Variants in SNRNP200 observed in about 807,000 individuals in gnomAD.
The protein encoded by SNRNP200 is U5 small nuclear ribonucleoprotein 200 kDa helicase.
In SNRNP200, 66 loss-of-function variants were observed where a neutral mutation model predicts 255.2. The observed-to-expected ratio is 0.26, with a 90% CI of 0.21 to 0.32. The LOEUF is 0.32. SNRNP200 is among the 10% of genes least tolerant of loss of function. SNRNP200 has a pLI of 1.00. For missense variants in SNRNP200, 1,585 were observed against 2,749.8 expected (o/e 0.58, Z 9.47); for synonymous variants, 939 against 1,027.8 (o/e 0.91, Z 1.65).
chr2:96,279,389 A>C lies in SNRNP200; in HGVS notation c.5133+62T>G, dbSNP rs951094395. 20 of 1,055,434 alleles carry C rather than the reference A, an allele frequency of 1.9e-5. No homozygotes were observed. The African/African-American group carries it at 3.0e-4, about 16-fold the overall frequency. 65.4% of individuals were successfully genotyped at this position (1,055,434 alleles called of 1,614,324 possible). On this transcript the variant is annotated intron_variant, in intron 36 of 44. Coordinates refer to ENST00000323853, the MANE Select transcript of SNRNP200 (RefSeq NM_014014.5). ...AGTTACTGAAGACATCTATCAAAAG[A>C]AAGATTAAAGAATCCATTCTGAGGC...
chr2:96,284,019 G>T lies in SNRNP200; in HGVS notation c.4393-15C>A. The stretch of plus-strand genomic sequence containing the variant: ...TCTAAGACAGGCTGGAAAGAGGGAG[G>T]GAGGGAGGGTCACTGCAGGCCAAGG... On this transcript the variant is annotated splice_polypyrimidine_tract_variant and intron_variant, in intron 31 of 44. Coordinates refer to ENST00000323853, the MANE Select transcript of SNRNP200 (RefSeq NM_014014.5). 4 of 1,559,738 alleles carry T rather than the reference G, an allele frequency of 2.6e-6. No individual in the cohort carries two copies. Among genetic ancestry groups the T allele is most frequent in the South Asian group, 1.2e-5 (1 of 85,288 alleles).
rs1419219805 is a variant in SNRNP200, at chr2:96,283,155, A to AC, written c.4915+45dup. ...CGCACCCCTCAAGTTTAACACCACC[A>AC]CTTGGTGATACCCTTGCTATGCTCC... On this transcript the variant is annotated intron_variant, in intron 34 of 44. Transcript: ENST00000323853. This position sits in a 1 kb window ranked among gnomAD's most constrained non-coding sequence, Gnocchi z 4.7. 6.2e-7 allele frequency: 1 copy of AC among 1,611,048 alleles called. No individual in the cohort carries two copies. The highest frequency in any genetic ancestry group is 1.7e-5 in the Admixed American group (1 of 60,010).
Position 96,291,692 on chromosome 2 carries a change from G to T in SNRNP200, c.2310+59C>A. 6.3e-7 allele frequency: 1 copy of T among 1,590,286 alleles called. No individual in the cohort carries two copies. Among genetic ancestry groups the T allele is most frequent in the Non-Finnish European group, 8.6e-7 (1 of 1,160,072 alleles). On this transcript the variant is annotated intron_variant, in intron 17 of 44. Coordinates refer to ENST00000323853, the MANE Select transcript of SNRNP200 (RefSeq NM_014014.5). This position sits in a 1 kb window ranked among gnomAD's most constrained non-coding sequence, Gnocchi z 4.2. ...TACAGTCCTAGAGGAGCTGTCTGGG[G>T]CCTGAGATGGACACAGCTGCCAGGT...
chr2:96,288,781 A>G, intron 23 of SNRNP200, 35 bp from the exon 24 acceptor site: 3 of 1,546,580 alleles, frequency 1.9e-6, no homozygotes, highest in Non-Finnish European at 2.7e-6. Context: ...CAGGAGACCA[A>G]TCACTGAACA....
At chr2:96,289,711 C>T in intron 21 of SNRNP200, 88 bp downstream of exon 21, 2 of 1,157,392 alleles carry the variant, frequency 1.7e-6, no homozygotes, top group South Asian at 1.2e-5. Context: ...ATAGGCAGTA[C>T]TCACATCAAG....
At chr2:96,295,052 T>G (rs1415474755) in intron 14 of SNRNP200, among the ~76,000 whole-genome samples, 2 of 151,788 alleles carry the variant, frequency 1.3e-5, no homozygotes, top group African/African-American at 4.8e-5. Context: ...CTACTAAAAA[T>G]ATAAAAATTA....
rs1684625145 is a variant in SNRNP200 at position 96,274,731 on chromosome 2, TG to T, written c.*280del. The T allele has an allele frequency of 4.2e-6, 2 of 480,480 alleles. No homozygotes were observed. The highest frequency in any genetic ancestry group is 2.2e-5 in the South Asian group (1 of 46,490). The allele number at this position is 480,480 out of a possible 1,614,324, so 29.8% of individuals were successfully genotyped here. ...AATTTGGAATCACTACAAAGACAAA[TG>T]GTTTCTACAAATTATTTTATTAGAA... On this transcript the variant is annotated 3_prime_UTR_variant, in exon 45 of 45. Transcript: ENST00000323853.
At chr2:96,293,611 G>A in intron 14 of SNRNP200, 102 bp from the exon 15 acceptor site, 1 of 1,093,208 alleles carries the variant, frequency 9.1e-7, no homozygotes, top group Admixed American at 2.0e-5. Flanking sequence ...ATATGCCTAA[G>A]AAAAAAGACA....
At position 96,278,592 on chromosome 2, in the gene SNRNP200, G is replaced by T; in HGVS notation, c.5443C>A (p.Leu1815Ile). The change falls in exon 38 of 45, where the codon CTA (leucine) becomes ATA (isoleucine). Residue 1815 changes from leucine to isoleucine, a missense_variant. Leu to Ile is a conservative substitution (Grantham distance 5). Transcript: ENST00000323853. This position sits in a 1 kb window ranked among gnomAD's most constrained non-coding sequence, Gnocchi z 6.9. ...EDEMDVAPLNLGMIAAYYYIN... is the reference protein window; with the variant it reads ...EDEMDVAPLNIGMIAAYYYIN... ...TAATAGTAGGCGGCGATCATGCCTAGGTTCAGAGGCGCCACGTCCATCTCG... is the reference window on the plus strand; with the variant it reads ...TAATAGTAGGCGGCGATCATGCCTATGTTCAGAGGCGCCACGTCCATCTCG... The T allele has an allele frequency of 6.2e-7, 1 of 1,614,204 alleles. No individual in the cohort carries two copies. The highest frequency in any genetic ancestry group is 8.5e-7 in the Non-Finnish European group (1 of 1,180,050).
In SNRNP200 at chr2:96,283,768, G is replaced by T. The variant is rs1270788477; in HGVS notation, c.4584+45C>A. ...AGGTTATCAGACCTGGGTCACTCAGGATCTATGTGACACCCCACAGACGGA... is the reference window on the plus strand; with the variant it reads ...AGGTTATCAGACCTGGGTCACTCAGTATCTATGTGACACCCCACAGACGGA... On this transcript the variant is annotated intron_variant, in intron 32 of 44. Transcript: ENST00000323853. This position sits in a 1 kb window ranked among gnomAD's most constrained non-coding sequence, Gnocchi z 4.7. The T allele has an allele frequency of 6.2e-7, 1 of 1,613,824 alleles. No individual in the cohort carries two copies. Among genetic ancestry groups the T allele is most frequent in the South Asian group, 1.1e-5 (1 of 91,078 alleles).
rs2063842724 is a variant in SNRNP200, at chr2:96,286,208, G to A, written c.4003+103C>T. The A allele has an allele frequency of 8.5e-7, 1 of 1,180,628 alleles. No homozygotes were observed. The highest frequency in any genetic ancestry group is 1.3e-6 in the Non-Finnish European group (1 of 787,346). The allele number at this position is 1,180,628 out of a possible 1,614,324, so 73.1% of individuals were successfully genotyped here. ...CAGCGGTCACACTGAGGAGCTCCCA[G>A]ACCTCCCAAGTGCCTGAGCACCCCC... On this transcript the variant is annotated intron_variant, in intron 29 of 44. Transcript: ENST00000323853. The surrounding 1 kb of genome is among the most constrained non-coding windows in gnomAD (Gnocchi z 4.8).
At chr2:96,301,751 C>G in intron 3 of SNRNP200, 35 bp from the exon 4 acceptor site, 3 of 1,611,714 alleles carry the variant, frequency 1.9e-6, no homozygotes, top group Non-Finnish European at 2.5e-6. Context: ...ATATTGAGAA[C>G]GACGACAGGC....
In SNRNP200 at chr2:96,275,123, A is replaced by T. The variant is rs1452975681; in HGVS notation, c.6300T>A (p.Gly2100=). 6.2e-7 allele frequency: 1 copy of T among 1,614,134 alleles called. No individual in the cohort carries two copies. Among genetic ancestry groups the T allele is most frequent in the Non-Finnish European group, 8.5e-7 (1 of 1,180,046 alleles). ...VKLDFVAPAT[G]AHNYTLYFMS... ...TGAAGTACAGAGTGTAGTTGTGGGC[A>T]CCAGTGGCTGGGGCCACAAAGTCCA... The change falls in exon 45 of 45, where the codon GGT becomes GGA. Residue 2100 remains glycine (G), a synonymous_variant. Transcript: ENST00000323853.
At chr2:96,305,106 C>T (rs577374205) in intron 1 of SNRNP200, among the ~76,000 whole-genome samples, 1 of 152,316 alleles carries the variant, frequency 6.6e-6, no homozygotes, top group Non-Finnish European at 1.5e-5. Flanking sequence ...CAGCGCCCAT[C>T]ATAACCCACA....
At chr2:96,294,781 C>G (rs558533977) in intron 14 of SNRNP200, among the ~76,000 whole-genome samples, 20 of 152,186 alleles carry the variant, frequency 1.3e-4, no homozygotes, top group Non-Finnish European at 2.2e-4. Flanking sequence ...TTATAAAACC[C>G]TAAATGATGT....
chr2:96,288,833 C>A, intron 23 of SNRNP200, 87 bp from the exon 24 acceptor site: 1 of 1,210,242 alleles, frequency 8.3e-7, no homozygotes, highest in East Asian at 2.3e-5. Flanking sequence ...AGCATCCAGG[C>A]CAGGTGAGAT....
Position 96,290,591 on chromosome 2 carries a change from A to G in SNRNP200, c.2554-77T>C. ...TTTGATGCAGGTATCTACATTACAG[A>G]ACTAGACCTCTGATCTGCTAGCTTT... is the stretch of plus-strand genomic sequence containing the variant. On this transcript the variant is annotated intron_variant, in intron 19 of 44. Transcript: ENST00000323853. This position sits in a 1 kb window ranked among gnomAD's most constrained non-coding sequence, Gnocchi z 4.5. 1 of 1,612,368 alleles carries G rather than the reference A, an allele frequency of 6.2e-7. No homozygotes were observed. The highest frequency in any genetic ancestry group is 8.5e-7 in the Non-Finnish European group (1 of 1,178,454).
In SNRNP200 at chr2:96,284,520, G is replaced by T; in HGVS notation, c.4230C>A (p.Gly1410=). ...RLNKKVVLLT[G]ETSTDLKLLG... ...GCAGCTTCAGGTCTGTGCTGGTCTC[G>T]CCTGTCAGGAGTACCACCTTCTTGT... is the stretch of plus-strand genomic sequence containing the variant. Residue 1410 remains glycine (G), a synonymous_variant, in exon 31 of 45, where the codon GGC becomes GGA. Coordinates refer to ENST00000323853, the MANE Select transcript of SNRNP200 (RefSeq NM_014014.5). The T allele has an allele frequency of 6.2e-7, 1 of 1,614,088 alleles. No individual in the cohort carries two copies. The highest frequency in any genetic ancestry group is 8.5e-7 in the Non-Finnish European group (1 of 1,179,996).
Position 96,290,094 on chromosome 2 carries a change from G to T in SNRNP200, c.2743-98C>A. 1 of 1,154,408 alleles carries T rather than the reference G, an allele frequency of 8.7e-7. No homozygotes were observed. Among genetic ancestry groups the T allele is most frequent in the Non-Finnish European group, 1.3e-6 (1 of 765,618 alleles). The allele number at this position is 1,154,408 out of a possible 1,614,324, so 71.5% of individuals were successfully genotyped here. ...CTTAGAAATTAATTCCCAACTACAA[G>T]GATGCATATTACATCGTATTCTGAA... is the stretch of plus-strand genomic sequence containing the variant. On this transcript the variant is annotated intron_variant, in intron 20 of 44. Transcript: ENST00000323853. This position sits in a 1 kb window ranked among gnomAD's most constrained non-coding sequence, Gnocchi z 4.5.
Sources: gnomAD v4.1 joint callset for allele counts (sites outside exome capture counted in the v4.1 genomes callset) on GRCh38, gnomAD v4.1.1 for gene constraint, Gnocchi (gnomAD v3.1) non-coding constraint, MANE v1.5 for transcripts, NCBI Gene and HGNC (gene_info 2026-07-23, HGNC 2026-07-21) for gene names.